CNTNAP2: variants seen among roughly 807,000 people sequenced by gnomAD.
The protein encoded by CNTNAP2 is contactin-associated protein-like 2.
Under a neutral mutation model 155.2 loss-of-function variants are expected in CNTNAP2, and 98 were observed. The ratio of observed to expected loss-of-function variants is 0.63; its 90% confidence interval spans 0.54 to 0.75. CNTNAP2 has a LOEUF of 0.75. Among genes scored for constraint, CNTNAP2 ranks in the 30% least tolerant of loss-of-function variants. CNTNAP2 has a pLI of 0.00. For synonymous variants in CNTNAP2, 651 were observed against 631.2 expected (o/e 1.03, Z -0.47); for missense variants, 1,727 against 1,688.1 (o/e 1.02, Z -0.40).
intron 1 of CNTNAP2, among the ~76,000 whole-genome samples, chr7:146,555,348 A>C (rs974551156): frequency 6.6e-6 from 1 of 152,146 alleles, no homozygotes; most frequent in African/African-American, 2.4e-5. Flanking sequence ...GACTTTATCT[A>C]TTATCTATCT....
intron 13 of CNTNAP2, among the ~76,000 whole-genome samples, chr7:147,824,732 CTT>C (rs55978737): frequency 1.3e-5 from 2 of 151,418 alleles, no homozygotes; most frequent in Admixed American, 6.6e-5. Flanking sequence ...TACCAGCTTC[CTT>C]TTTTTTTCTT....
At chr7:146,913,298 G>A (rs762712259) in intron 3 of CNTNAP2, among the ~76,000 whole-genome samples, 1 of 152,076 alleles carries the variant, frequency 6.6e-6, no homozygotes, top group Non-Finnish European at 1.5e-5. Flanking sequence ...CTGCAACATT[G>A]GTGCCTTCTT....
intron 3 of CNTNAP2, among the ~76,000 whole-genome samples, chr7:146,872,628 T>C (rs111584370): frequency 7.9e-5 from 12 of 152,316 alleles, no homozygotes; most frequent in African/African-American, 2.6e-4. Flanking sequence ...AATTGGATAG[T>C]GCATGCTTAG....
At chr7:147,087,205 T>C (rs991434819) in intron 4 of CNTNAP2, among the ~76,000 whole-genome samples, 11 of 152,192 alleles carry the variant, frequency 7.2e-5, no homozygotes, top group Admixed American at 7.2e-4. Flanking sequence ...TTCCCATTAT[T>C]GTCTTAGAAA....
intron 1 of CNTNAP2, among the ~76,000 whole-genome samples, chr7:146,765,003 T>A (rs1049447856): frequency 9.9e-5 from 15 of 152,244 alleles, no homozygotes; most frequent in African/African-American, 3.6e-4. Context: ...AAGAGGATTA[T>A]TGGCAGAGAA....
Position 147,302,978 on chromosome 7 carries a change from G to A in CNTNAP2, c.1498+2688G>A, listed in dbSNP as rs749825394. 4.6e-5 allele frequency among the ~76,000 whole-genome samples: 7 copies of A among 152,226 alleles called. No individual in the cohort carries two copies. In the East Asian group the frequency reaches 7.7e-4, roughly 17 times the overall value. ...TGCACCTTGAATCAAATGTTCTCCCGAAGCAGCGACGCTGAATGGTGGGAT... is the reference window on the plus strand; with the variant it reads ...TGCACCTTGAATCAAATGTTCTCCCAAAGCAGCGACGCTGAATGGTGGGAT... On this transcript the variant is annotated intron_variant, in intron 9 of 23. Coordinates refer to ENST00000361727, the MANE Select transcript of CNTNAP2 (RefSeq NM_014141.6).
intron 3 of CNTNAP2, among the ~76,000 whole-genome samples, chr7:146,958,899 C>T (rs1407121324): frequency 6.6e-6 from 1 of 152,060 alleles, no homozygotes; most frequent in African/African-American, 2.4e-5. Flanking sequence ...CTCTTCTTAT[C>T]ATTTTTCTTA....
intron 8 of CNTNAP2, among the ~76,000 whole-genome samples, chr7:147,242,933 A>T (rs1803971166): frequency 7.4e-6 from 1 of 134,940 alleles, no homozygotes; most frequent in Non-Finnish European, 1.6e-5. Context: ...ACATGTTTTG[A>T]TGAATTTGTG....
chr7:146,953,195 T>C (rs886511790), intron 3 of CNTNAP2, among the ~76,000 whole-genome samples: 4 of 151,946 alleles, frequency 2.6e-5, no homozygotes, highest in Non-Finnish European at 5.9e-5. Context: ...AAGAGCCATA[T>C]AATAAGTGGT....
At chr7:148,016,151 C>A (rs1407591179) in intron 15 of CNTNAP2, among the ~76,000 whole-genome samples, 1 of 152,214 alleles carries the variant, frequency 6.6e-6, no homozygotes, top group Non-Finnish European at 1.5e-5. Context: ...AATGAAGACA[C>A]CCAGCATCTT....
chr7:147,028,244 A>G (rs1798960521), intron 3 of CNTNAP2, among the ~76,000 whole-genome samples: 1 of 152,216 alleles, frequency 6.6e-6, no homozygotes, highest in South Asian at 2.1e-4. Flanking sequence ...CAGAAGACTA[A>G]TTGTAGCACA....
intron 1 of CNTNAP2, among the ~76,000 whole-genome samples, chr7:146,157,450 G>C (rs890753012): frequency 1.3e-5 from 2 of 152,056 alleles, no homozygotes; most frequent in African/African-American, 2.4e-5. Flanking sequence ...GCCTCATTTG[G>C]GAAGCACAAG....
intron 1 of CNTNAP2, among the ~76,000 whole-genome samples, chr7:146,430,171 T>C (rs150183315): frequency 4.9e-4 from 62 of 127,530 alleles, no homozygotes; most frequent in African/African-American, 2.3e-3. Context: ...GATATTTGCC[T>C]GAAGTTTTTT....
intron 1 of CNTNAP2, among the ~76,000 whole-genome samples, chr7:146,535,164 A>ATTATATCATATATCATATATATGAAT: frequency 3.4e-5 from 1 of 29,292 alleles, no homozygotes; most frequent in East Asian, 1.4e-3. Flanking sequence ...AATATATTAT[A>ATTATATCATATATCATATATATGAAT]TTATATCATA....
At chr7:146,354,756 T>C (rs781081006) in intron 1 of CNTNAP2, among the ~76,000 whole-genome samples, 13 of 152,150 alleles carry the variant, frequency 8.5e-5, no homozygotes, top group Admixed American at 2.6e-4. Context: ...AATCATATAA[T>C]ATAGTGGGCA....
At chr7:146,666,552 G>A (rs1376043194) in intron 1 of CNTNAP2, among the ~76,000 whole-genome samples, 1 of 152,050 alleles carries the variant, frequency 6.6e-6, no homozygotes, top group Non-Finnish European at 1.5e-5. Flanking sequence ...AGTTCTATTT[G>A]TAATTTTTGA....
chr7:146,319,597 C>T (rs2129092176), intron 1 of CNTNAP2, among the ~76,000 whole-genome samples: 1 of 152,282 alleles, frequency 6.6e-6, no homozygotes, highest in South Asian at 2.1e-4. Context: ...GTTTTGATTT[C>T]TTATACTCTT....
At chr7:146,987,177 A>G (rs1476305066) in intron 3 of CNTNAP2, among the ~76,000 whole-genome samples, 1 of 152,168 alleles carries the variant, frequency 6.6e-6, no homozygotes, top group Non-Finnish European at 1.5e-5. Context: ...TGATGCCAAC[A>G]TTAGATATAG....
Position 147,958,611 on chromosome 7 carries a change from A to G in CNTNAP2, c.2256-19251A>G, listed in dbSNP as rs1050048357. Among the ~76,000 whole-genome samples, 3 of 152,228 alleles carry G rather than the reference A, an allele frequency of 2.0e-5. No individual in the cohort carries two copies. In the East Asian group the frequency reaches 5.8e-4, roughly 29 times the overall value. On this transcript the variant is annotated intron_variant, in intron 14 of 23. Coordinates refer to ENST00000361727, the MANE Select transcript of CNTNAP2 (RefSeq NM_014141.6). ...CTTTTACAGGTTGATTCACAAACCT[A>G]GAGCCAAAAATATAACTGAACTATT...
Sources: gnomAD v4.1 joint callset for allele counts (sites outside exome capture counted in the v4.1 genomes callset) on GRCh38, gnomAD v4.1.1 for gene constraint, MANE v1.5 for transcripts, NCBI Gene and HGNC (gene_info 2026-07-23, HGNC 2026-07-21) for gene names.